EFCAB6: variants seen among roughly 807,000 people sequenced by gnomAD.
EFCAB6 encodes the protein EF-hand calcium binding domain 6, also known as EF-hand calcium-binding domain-containing protein 6.
A neutral mutation model predicts 169.8 loss-of-function variants in EFCAB6; 156 were observed. The observed-to-expected ratio is 0.92, with a 90% CI of 0.81 to 1.05. The LOEUF (loss-of-function observed/expected upper bound fraction) is 1.05, where lower values mean the gene tolerates loss of function less well. EFCAB6 is among the 50% of genes least tolerant of loss of function. EFCAB6 has a pLI of 0.00. For synonymous variants in EFCAB6, 698 were observed against 676.4 expected, an observed-to-expected ratio of 1.03 and a Z score of -0.50; for missense variants, 1,800 against 1,829.1, an observed-to-expected ratio of 0.98 and a Z score of 0.29.
At chr22:43,730,118 G>A (rs1217603377) in intron 8 of EFCAB6, among the ~76,000 whole-genome samples, 1 of 148,156 alleles carries the variant, frequency 6.7e-6, no homozygotes, top group East Asian at 2.0e-4. Context: ...GGAGGTTGAG[G>A]CTGCAGTGAG....
At chr22:43,738,348 T>C (rs1050795020) in intron 6 of EFCAB6, among the ~76,000 whole-genome samples, 1 of 147,722 alleles carries the variant, frequency 6.8e-6, no homozygotes, top group East Asian at 2.0e-4. Flanking sequence ...CTGCATATAC[T>C]CATTCACACC....
At chr22:43,658,313 CG>C (rs2056844947) in intron 17 of EFCAB6, among the ~76,000 whole-genome samples, 2 of 152,082 alleles carry the variant, frequency 1.3e-5, no homozygotes, top group African/African-American at 4.8e-5. Flanking sequence ...AACTGCAAGG[CG>C]GGGGAACCTT....
At chr22:43,644,053 A>AC (rs1414510921) in intron 17 of EFCAB6, among the ~76,000 whole-genome samples, 10 of 151,774 alleles carry the variant, frequency 6.6e-5, no homozygotes, top group Non-Finnish European at 1.0e-4. Context: ...CCAACTCCTG[A>AC]CCTCAGGTGA....
At chr22:43,550,979 A>T (rs1482685151) in intron 27 of EFCAB6, among the ~76,000 whole-genome samples, 1 of 152,176 alleles carries the variant, frequency 6.6e-6, no homozygotes, top group Non-Finnish European at 1.5e-5. Flanking sequence ...TCCCTCACTT[A>T]CAGAGCTCGA....
At chr22:43,599,574 C>T (rs1361932308) in intron 23 of EFCAB6, among the ~76,000 whole-genome samples, 5 of 143,168 alleles carry the variant, frequency 3.5e-5, no homozygotes, top group South Asian at 2.3e-4. Flanking sequence ...CACACCTTCC[C>T]GTTGCTCAGC....
chr22:43,800,941 C>T (rs920627574), intron 2 of EFCAB6, among the ~76,000 whole-genome samples: 1 of 152,072 alleles, frequency 6.6e-6, no homozygotes, highest in African/African-American at 2.4e-5. Flanking sequence ...TAACAGAAAA[C>T]CTTCCAAGAC....
intron 6 of EFCAB6, among the ~76,000 whole-genome samples, chr22:43,750,657 A>G (rs1603323726): frequency 7.1e-6 from 1 of 140,794 alleles, no homozygotes; most frequent in African/African-American, 3.3e-5. Context: ...TGTTAGGCAA[A>G]CAGACTGCAT....
intron 26 of EFCAB6, among the ~76,000 whole-genome samples, chr22:43,574,085 T>C (rs922687952): frequency 1.3e-5 from 2 of 151,846 alleles, no homozygotes; most frequent in Non-Finnish European, 2.9e-5. Flanking sequence ...AAAATGTAGA[T>C]AGAGATTTAC....
rs750645986 is a variant in EFCAB6, at chr22:43,668,876, C to G, written c.1810G>C (p.Glu604Gln). The change falls in exon 16 of 32, where the codon GAG becomes CAG. Residue 604 changes from glutamate to glutamine, a missense_variant. Physicochemically the swap from Glu to Gln is conservative, Grantham distance 29. Coordinates refer to ENST00000262726, the MANE Select transcript of EFCAB6 (RefSeq NM_022785.4). The stretch of plus-strand genomic sequence containing the variant: ...ATTCATTTTGCTTAATTTTACCTCT[C>G]AGAAAGATCTGGCTGCTGCTGTTCA... The part of the protein sequence containing the change: ...KDEQQQPDLS[E>Q]RTKLTEDKTT... 3.8e-6 allele frequency: 6 copies of G among 1,591,344 alleles called. No individual in the cohort carries two copies. In the South Asian group the frequency reaches 7.0e-5, roughly 19 times the overall value.
intron 2 of EFCAB6, among the ~76,000 whole-genome samples, chr22:43,791,643 T>C (rs1482841225): frequency 6.6e-6 from 1 of 152,050 alleles, no homozygotes; most frequent in Non-Finnish European, 1.5e-5. Flanking sequence ...AATAAGGGCT[T>C]CGGTTTGAGT....
intron 20 of EFCAB6, among the ~76,000 whole-genome samples, chr22:43,618,079 G>A (rs889212631): frequency 2.0e-5 from 3 of 147,476 alleles, no homozygotes; most frequent in Admixed American, 6.8e-5. Flanking sequence ...TCCAGCCTGG[G>A]TGACAGAGTG....
At position 43,697,033 on chromosome 22, in the gene EFCAB6, T is replaced by C. The variant is rs552285955; in HGVS notation, c.1032-9452A>G. Among the ~76,000 whole-genome samples the C allele has an allele frequency of 3.3e-3, 508 of 152,228 alleles. 4 individuals are homozygous for C. Among genetic ancestry groups the C allele is most frequent in the Non-Finnish European group, 5.8e-3 (391 of 67,990 alleles). ...AGAGGAAGTACAGGAAACTTTCAAA[T>C]GCAAAAAATATGCAACCTCAATATA... On this transcript the variant is annotated intron_variant, in intron 10 of 31. Transcript: ENST00000262726.
At chr22:43,701,426 T>G (rs889136968) in intron 10 of EFCAB6, among the ~76,000 whole-genome samples, 4 of 152,214 alleles carry the variant, frequency 2.6e-5, no homozygotes, top group African/African-American at 9.7e-5. Flanking sequence ...GAACTCAATG[T>G]TCTCTGTAAA....
intron 8 of EFCAB6, among the ~76,000 whole-genome samples, chr22:43,717,997 T>C (rs1294552225): frequency 6.6e-6 from 1 of 152,120 alleles, no homozygotes; most frequent in Non-Finnish European, 1.5e-5. Flanking sequence ...TTTAAAGGGG[T>C]AATTAGCATA....
intron 10 of EFCAB6, among the ~76,000 whole-genome samples, chr22:43,687,814 T>A (rs1603218814): frequency 6.6e-6 from 1 of 152,344 alleles, no homozygotes; most frequent in South Asian, 2.1e-4. Context: ...AATGGTGGCA[T>A]ACACTGAAAG....
chr22:43,692,837 C>T (rs967201037), intron 10 of EFCAB6, among the ~76,000 whole-genome samples: 1 of 151,676 alleles, frequency 6.6e-6, no homozygotes, highest in African/African-American at 2.4e-5. Flanking sequence ...GAAATAAAGG[C>T]CAAAATTTTC....
At chr22:43,582,379 C>T (rs915850756) in intron 24 of EFCAB6, among the ~76,000 whole-genome samples, 8 of 151,780 alleles carry the variant, frequency 5.3e-5, no homozygotes, top group African/African-American at 1.9e-4. Flanking sequence ...TACACACAGG[C>T]GTTGGACTTC....
In EFCAB6 at chr22:43,540,346, G is replaced by C. The variant is rs924520760; in HGVS notation, c.3660C>G (p.Leu1220=). ...QILTDEQFDR[L]WNEMPVNAKG... is the part of the protein sequence containing the mutation. ...TGGCATTGACTGGCATCTCGTTCCA[G>C]AGTCTGTCAAACTGGAGAAGGAGCA... Residue 1220 remains leucine, a synonymous_variant, in exon 28 of 32, where the codon CTC becomes CTG. Coordinates refer to ENST00000262726, the MANE Select transcript of EFCAB6 (RefSeq NM_022785.4). 2 of 1,614,042 alleles carry C rather than the reference G, an allele frequency of 1.2e-6. No individual in the cohort carries two copies. The highest frequency in any genetic ancestry group is 1.3e-5 in the African/African-American group (1 of 74,940).
At chr22:43,681,193 T>C (rs2057993666) in intron 12 of EFCAB6, among the ~76,000 whole-genome samples, 1 of 152,260 alleles carries the variant, frequency 6.6e-6, no homozygotes, top group East Asian at 1.9e-4. Flanking sequence ...TTTCAAATAC[T>C]GTTTTTGCAT....
Sources: gnomAD v4.1 joint callset for allele counts (sites outside exome capture counted in the v4.1 genomes callset) on GRCh38, gnomAD v4.1.1 for gene constraint, MANE v1.5 for transcripts, NCBI Gene and HGNC (gene_info 2026-07-23, HGNC 2026-07-21) for gene names.